SEMA6D: variants seen among roughly 807,000 people sequenced by gnomAD.
SEMA6D encodes semaphorin-6D.
In SEMA6D, 35 loss-of-function variants were observed where a neutral mutation model predicts 106.6. The observed-to-expected ratio is 0.33, with a 90% CI of 0.25 to 0.44. SEMA6D has a LOEUF of 0.44. Ranked by LOEUF, SEMA6D falls within the 20% of genes least tolerant of loss-of-function variation. The pLI is 1.00. For missense variants in SEMA6D, 1,185 were observed against 1,345.9 expected (o/e 0.88, Z 1.87); for synonymous variants, 499 against 487.7 (o/e 1.02, Z -0.31).
intron 1 of SEMA6D, among the ~76,000 whole-genome samples, chr15:47,388,519 G>A (rs779857505): frequency 5.9e-5 from 9 of 152,042 alleles, no homozygotes; most frequent in Admixed American, 2.6e-4. Flanking sequence ...GTGTATTCAC[G>A]CTGCAGGCAC....
At chr15:47,372,060 G>A (rs530037907) in intron 1 of SEMA6D, among the ~76,000 whole-genome samples, 1 of 152,154 alleles carries the variant, frequency 6.6e-6, no homozygotes, top group Non-Finnish European at 1.5e-5. Context: ...TAGTGTATTT[G>A]CCTGTAGCAA....
chr15:47,583,757 T>C (rs2143002431), intron 3 of SEMA6D, among the ~76,000 whole-genome samples: 1 of 152,100 alleles, frequency 6.6e-6, no homozygotes, highest in African/African-American at 2.4e-5. Context: ...GGCTTACAAG[T>C]CTTCTGGGAA....
At chr15:47,201,797 T>C (rs62017389) in intron 1 of SEMA6D, among the ~76,000 whole-genome samples, 1,871 of 152,308 alleles carry the variant, frequency 0.012, 43 homozygotes, top group Admixed American at 0.012. Flanking sequence ...AGCCTGTTGC[T>C]GTTGGTCAGA....
chr15:47,524,844 AC>A (rs1440282457), intron 3 of SEMA6D, among the ~76,000 whole-genome samples: 1 of 152,118 alleles, frequency 6.6e-6, no homozygotes. Context: ...CCTTCCTGAG[AC>A]CAGCAATCGT....
chr15:47,517,622 CCA>C (rs2044430851), intron 3 of SEMA6D, among the ~76,000 whole-genome samples: 1 of 152,016 alleles, frequency 6.6e-6, no homozygotes, highest in Non-Finnish European at 1.5e-5. Flanking sequence ...TTCTTCCTTC[CCA>C]CACAGGAAAT....
Position 47,628,045 on chromosome 15 carries a change from A to G in SEMA6D, c.-55+27149A>G, listed in dbSNP as rs553913581. ...TGTTTCTGTTTCACTGCTAGGTACT[A>G]TTACATGCTATTAGCCTACCCCTCT... On this transcript the variant is annotated intron_variant, in intron 4 of 19. Transcript: ENST00000558014. 1.2e-4 allele frequency among the ~76,000 whole-genome samples: 19 copies of G among 152,212 alleles called. No homozygotes were observed. In the South Asian group the frequency reaches 2.1e-3, roughly 17 times the overall value.
At chr15:47,342,355 C>T (rs2037851390) in intron 1 of SEMA6D, among the ~76,000 whole-genome samples, 1 of 152,152 alleles carries the variant, frequency 6.6e-6, no homozygotes, top group Admixed American at 6.6e-5. Context: ...TTAAATTTGT[C>T]TGAAGTTATT....
intron 1 of SEMA6D, among the ~76,000 whole-genome samples, chr15:47,723,759 A>G (rs2079562363): frequency 1.3e-5 from 2 of 152,192 alleles, no homozygotes; most frequent in Admixed American, 6.5e-5. Context: ...GGAAATACAC[A>G]TGACCACTAC....
intron 3 of SEMA6D, among the ~76,000 whole-genome samples, chr15:47,599,160 TAC>T: frequency 6.6e-6 from 1 of 152,242 alleles, no homozygotes; most frequent in Admixed American, 6.5e-5. Context: ...CTTATGCACA[TAC>T]ATTTAAATAC....
At chr15:47,387,783 C>T (rs1258211616) in intron 1 of SEMA6D, among the ~76,000 whole-genome samples, 1 of 152,146 alleles carries the variant, frequency 6.6e-6, no homozygotes, top group Non-Finnish European at 1.5e-5. Context: ...TCAGGTCTGC[C>T]ACTTACTAGC....
chr15:47,552,881 A>AAAATATATATATAAAT (rs2045785301), intron 3 of SEMA6D, among the ~76,000 whole-genome samples: 2 of 14,336 alleles, frequency 1.4e-4, no homozygotes, highest in Non-Finnish European at 2.8e-4. Flanking sequence ...TATATATATA[A>AAAATATATATATAAAT]ATATATATAA....
intron 4 of SEMA6D, among the ~76,000 whole-genome samples, chr15:47,711,816 G>A (rs189991541): frequency 6.6e-6 from 1 of 152,146 alleles, no homozygotes; most frequent in African/African-American, 2.4e-5. Context: ...TTGGAAAGAT[G>A]GAAATTACCC....
intron 1 of SEMA6D, among the ~76,000 whole-genome samples, chr15:47,748,864 GAATGCACTAGAAGTCT>G (rs1399666676): frequency 6.6e-6 from 1 of 152,110 alleles, no homozygotes. Context: ...GCATTGTGGA[GAATGCACTAGAAGTCT>G]AGGAGAACAG....
intron 1 of SEMA6D, among the ~76,000 whole-genome samples, chr15:47,406,320 G>A (rs546302788): frequency 4.9e-4 from 75 of 152,118 alleles, no homozygotes; most frequent in Non-Finnish European, 9.6e-4. Context: ...TGGAGGAAAA[G>A]GTTCGACTGC....
chr15:47,597,206 A>C (rs1478887553), intron 3 of SEMA6D, among the ~76,000 whole-genome samples: 1 of 152,110 alleles, frequency 6.6e-6, no homozygotes, highest in East Asian at 1.9e-4. Flanking sequence ...TACTAAAAAA[A>C]TGATTGAAGA....
At chr15:47,357,591 G>T (rs2038637176) in intron 1 of SEMA6D, among the ~76,000 whole-genome samples, 1 of 152,118 alleles carries the variant, frequency 6.6e-6, no homozygotes, top group African/African-American at 2.4e-5. Flanking sequence ...CGGGAGAAAG[G>T]TGTAGGATGG....
chr15:47,620,283 G>A (rs578227372), intron 4 of SEMA6D, among the ~76,000 whole-genome samples: 23 of 152,274 alleles, frequency 1.5e-4, no homozygotes, highest in Middle Eastern at 3.4e-3. Flanking sequence ...ATTTGCAAGC[G>A]ATCTCACACC....
chr15:47,228,996 G>A (rs966054949), intron 1 of SEMA6D, among the ~76,000 whole-genome samples: 3 of 151,930 alleles, frequency 2.0e-5, no homozygotes, highest in African/African-American at 7.2e-5. Context: ...TAAATGGATG[G>A]GCCATGAGAG....
intron 1 of SEMA6D, among the ~76,000 whole-genome samples, chr15:47,345,751 G>A (rs75117218): frequency 0.021 from 3,157 of 152,196 alleles, 71 homozygotes; most frequent in South Asian, 0.091. Context: ...AATCTGTATT[G>A]CATGATTATA....
Sources: allele counts gnomAD v4.1 joint callset (sites outside exome capture counted in the v4.1 genomes callset), GRCh38; gene constraint gnomAD v4.1.1; transcripts MANE v1.5; gene names NCBI Gene and HGNC (gene_info 2026-07-23, HGNC 2026-07-21).